The following ERMAP variants were observed in gnomAD, a reference collection of about 807,000 sequenced individuals.
The protein encoded by ERMAP is erythroid membrane-associated protein.
Under a neutral mutation model 49.5 loss-of-function variants are expected in ERMAP, and 34 were observed. The ratio of observed to expected loss-of-function variants is 0.69; its 90% CI spans 0.52 to 0.91. The LOEUF is 0.91. ERMAP is among the 40% of genes least tolerant of loss of function. ERMAP has a pLI of 0.00. For synonymous variants in ERMAP, 214 were observed against 232.2 expected (o/e 0.92, Z 0.71); for missense variants, 541 against 582.6 (o/e 0.93, Z 0.74).
chr1:42,842,614 T>A lies in ERMAP; in HGVS notation c.810T>A (p.Pro270=), dbSNP rs753181834. The change falls in exon 12 of 12, where the codon CCT becomes CCA. Residue 270 remains proline (P), a synonymous_variant. Transcript: ENST00000372517. ...TTGGAGACAGACGGCAGCCTGTACCTGACAACCCCCAGAGATTTGATTTCG... is the reference window on the plus strand; with the variant it reads ...TTGGAGACAGACGGCAGCCTGTACCAGACAACCCCCAGAGATTTGATTTCG... ...VRLGDRRQPV[P]DNPQRFDFVV... The A allele has an allele frequency of 3.7e-6, 6 of 1,614,204 alleles. No homozygotes were observed. The highest frequency in any genetic ancestry group is 5.1e-6 in the Non-Finnish European group (6 of 1,180,036).
intron 4 of ERMAP, among the ~76,000 whole-genome samples, chr1:42,834,286 C>T (rs908945986): frequency 2.6e-5 from 4 of 151,938 alleles, no homozygotes; most frequent in African/African-American, 7.3e-5. Context: ...GCTTTGCCCC[C>T]GTGGACAGTG....
At position 42,844,715 on chromosome 1, in the gene ERMAP, G is replaced by A. The variant is rs1034587164; in HGVS notation, c.*1483G>A. 1 of 152,262 alleles carries A rather than the reference G, an allele frequency of 6.6e-6. No homozygotes were observed. Among genetic ancestry groups the A allele is most frequent in the Admixed American group, 6.5e-5 (1 of 15,290 alleles). The allele number at this position is 152,262 out of a possible 1,614,324, so 9.4% of individuals were successfully genotyped here. The stretch of plus-strand genomic sequence containing the variant: ...AGGCAGGAAGAATTCTCTTAGGGCA[G>A]AGTTAGCTCTTTTGTTCTATTCAGG... On this transcript the variant is annotated 3_prime_UTR_variant, in exon 12 of 12. Transcript: ENST00000372517. This position sits in a 1 kb window ranked among gnomAD's most constrained non-coding sequence, Gnocchi z 4.0.
At position 42,842,920 on chromosome 1, in the gene ERMAP, C is replaced by A; in HGVS notation, c.1116C>A (p.Tyr372Ter). 6.2e-7 allele frequency: 1 copy of A among 1,614,220 alleles called. No individual in the cohort carries two copies. Among genetic ancestry groups the A allele is most frequent in the Non-Finnish European group, 8.5e-7 (1 of 1,180,044 alleles). The change falls in exon 12 of 12, where the codon TAC (tyrosine) becomes TAA (stop). Residue 372 changes from tyrosine to a stop codon, truncating the protein, a stop_gained. Coordinates refer to ENST00000372517, the MANE Select transcript of ERMAP (RefSeq NM_001017922.2). LOFTEE classifies it high-confidence loss of function. ...LDYEAGVISFYNVTNKSHIFT... is the reference protein window; with the variant it reads ...LDYEAGVISF ...ATGAAGCAGGAGTCATCTCTTTCTA[C>A]AATGTGACCAACAAGTCCCACATCT...
chr1:42,828,768 G>A (rs35245962), intron 2 of ERMAP, among the ~76,000 whole-genome samples: 29,149 of 152,036 alleles, frequency 0.19, 3,494 homozygotes, highest in Non-Finnish European at 0.25. Context: ...GAAAGTGCAG[G>A]GTTATAGGCA....
Position 42,839,081 on chromosome 1 carries a change from C to A in ERMAP, c.637+160C>A, listed in dbSNP as rs985264588. On this transcript the variant is annotated intron_variant, in intron 8 of 11. Transcript: ENST00000372517. ...CTTGGCTCTCAAAGGCCTCTTTTCT[C>A]AAGTATTCTCTGCTCCTCTTTCCTG... is the stretch of plus-strand genomic sequence containing the variant. 11 of 991,940 alleles carry A rather than the reference C, an allele frequency of 1.1e-5. No homozygotes were observed. In the Admixed American group the frequency reaches 2.0e-4, roughly 18 times the overall value. The allele number at this position is 991,940 out of a possible 1,614,324, so 61.4% of individuals were successfully genotyped here.
At chr1:42,827,716 G>A (rs570958409) in intron 2 of ERMAP, among the ~76,000 whole-genome samples, 1 of 152,268 alleles carries the variant, frequency 6.6e-6, no homozygotes, top group African/African-American at 2.4e-5. Flanking sequence ...TTGTAAAGGA[G>A]TTCCATGATA....
intron 2 of ERMAP, 35 bp from the exon 3 acceptor site, chr1:42,830,409 A>T (rs780592325): frequency 6.3e-7 from 1 of 1,597,146 alleles, no homozygotes; most frequent in South Asian, 1.1e-5. Flanking sequence ...CAAGCCCATC[A>T]GCCCGCTTGT....
intron 1 of ERMAP, among the ~76,000 whole-genome samples, chr1:42,820,673 T>C (rs554475430): frequency 6.6e-6 from 1 of 152,346 alleles, no homozygotes; most frequent in Non-Finnish European, 1.5e-5. Context: ...CAAGAGTTTT[T>C]GTTTGATCCC....
chr1:42,825,276 T>C (rs542696096), intron 1 of ERMAP, among the ~76,000 whole-genome samples: 54 of 152,182 alleles, frequency 3.5e-4, no homozygotes, highest in Admixed American at 6.5e-4. Flanking sequence ...AATTGGTGGA[T>C]GTCTTTGAAA....
At chr1:42,839,996 C>G (rs1265423815) in intron 8 of ERMAP, 37 bp from the exon 9 acceptor site, 2 of 1,612,860 alleles carry the variant, frequency 1.2e-6, no homozygotes, top group East Asian at 4.5e-5. Context: ...ACATAGAGGC[C>G]CTCCTTCTGA....
At chr1:42,824,555 T>A (rs1654489161) in intron 1 of ERMAP, 1 of 151,906 alleles carries the variant, frequency 6.6e-6, no homozygotes, top group South Asian at 2.1e-4. Flanking sequence ...CAGAACAGAG[T>A]GTGAGGTGTG....
rs1023368948 is a variant in ERMAP, at chr1:42,819,929, T to G, written c.-122+2676T>G. ...TGTGCCAAATCCCCTGCTCTCTGGA[T>G]CTTATGTTTTTCCATTCTTGGTTTA... On this transcript the variant is annotated intron_variant, in intron 1 of 11. Transcript: ENST00000372517. This position sits in a 1 kb window ranked among gnomAD's most constrained non-coding sequence, Gnocchi z 5.1. Among the ~76,000 whole-genome samples, 2 of 152,198 alleles carry G rather than the reference T, an allele frequency of 1.3e-5. No individual in the cohort carries two copies. Among genetic ancestry groups the G allele is most frequent in the Non-Finnish European group, 2.9e-5 (2 of 68,030 alleles).
At chr1:42,818,014 C>T (rs189821580) in intron 1 of ERMAP, among the ~76,000 whole-genome samples, 182 of 152,324 alleles carry the variant, frequency 1.2e-3, no homozygotes, top group African/African-American at 4.3e-3. Context: ...TGAGTTGTCC[C>T]GGGTCACACA....
chr1:42,839,760 G>A lies in ERMAP; in HGVS notation c.638-273G>A, dbSNP rs1372410777. On this transcript the variant is annotated intron_variant, in intron 8 of 11. Coordinates refer to ENST00000372517, the MANE Select transcript of ERMAP (RefSeq NM_001017922.2). ...CTACAACATCTACATAATTTATGTT[G>A]TCATTACCTGTAGGTGTGAGATGTG... 6 of 546,996 alleles carry A rather than the reference G, an allele frequency of 1.1e-5. No individual in the cohort carries two copies. In the East Asian group the frequency reaches 1.7e-4, roughly 16 times the overall value. 33.9% of individuals were successfully genotyped at this position (546,996 alleles called of 1,614,324 possible). A position where few individuals can be genotyped will look rare whatever the true frequency, so the allele number is the denominator to read the frequency against.
intron 1 of ERMAP, among the ~76,000 whole-genome samples, chr1:42,823,226 A>T (rs1250769619): frequency 6.6e-6 from 1 of 152,140 alleles, no homozygotes; most frequent in Non-Finnish European, 1.5e-5. Flanking sequence ...TTACAGCAAC[A>T]CTCACAGTTT....
At chr1:42,827,660 C>T (rs1654594337) in intron 2 of ERMAP, among the ~76,000 whole-genome samples, 1 of 152,166 alleles carries the variant, frequency 6.6e-6, no homozygotes, top group Non-Finnish European at 1.5e-5. Context: ...ATACATTGAA[C>T]TTTAGGAAGT....
At chr1:42,822,659 A>C (rs1018187241) in intron 1 of ERMAP, among the ~76,000 whole-genome samples, 7 of 152,126 alleles carry the variant, frequency 4.6e-5, no homozygotes. Context: ...GAAACTACAT[A>C]ATATATTATT....
chr1:42,838,511 T>C (rs1654967430), intron 7 of ERMAP, among the ~76,000 whole-genome samples: 1 of 152,236 alleles, frequency 6.6e-6, no homozygotes, highest in African/African-American at 2.4e-5. Flanking sequence ...TACAGCCATA[T>C]TAACAAGTTC....
chr1:42,823,758 C>G (rs2124285791), intron 1 of ERMAP, among the ~76,000 whole-genome samples: 1 of 152,318 alleles, frequency 6.6e-6, no homozygotes, highest in East Asian at 1.9e-4. Flanking sequence ...GTCACACAAA[C>G]TATTAAAAAG....
Sources: gnomAD v4.1 joint callset for allele counts (sites outside exome capture counted in the v4.1 genomes callset) on GRCh38, gnomAD v4.1.1 for gene constraint, Gnocchi (gnomAD v3.1) non-coding constraint, MANE v1.5 for transcripts, NCBI Gene and HGNC (gene_info 2026-07-23, HGNC 2026-07-21) for gene names.